The following RRP12 variants were observed in gnomAD, a reference collection of about 807,000 sequenced individuals.
RRP12 encodes ribosomal RNA processing 12 homolog, also known as RRP12-like protein.
RRP12 carries 78 observed loss-of-function variants against 157.3 expected under a neutral mutation model. The ratio of observed to expected loss-of-function variants is 0.50; its 90% CI spans 0.41 to 0.60. The LOEUF is 0.60. RRP12 is among the 20% of genes least tolerant of loss of function. The pLI, the probability that RRP12 is intolerant of heterozygous loss-of-function variation, is 0.00. For missense variants in RRP12, 1,521 were observed against 1,679.9 expected (o/e 0.91, Z 1.65); for synonymous variants, 726 against 670.9 (o/e 1.08, Z -1.27).
intron 25 of RRP12, 43 bp from the exon 26 acceptor site, chr10:97,367,175 A>C: frequency 6.5e-7 from 1 of 1,543,984 alleles, no homozygotes; most frequent in Non-Finnish European, 8.9e-7. Context: ...CGAGCCTTCC[A>C]TGCTGCGCCC....
Position 97,373,569 on chromosome 10 carries a change from A to C in RRP12, c.2026+6T>G, listed in dbSNP as rs1350860580. On this transcript the variant is annotated splice_donor_region_variant and intron_variant, in intron 17 of 33. Transcript: ENST00000370992. ...CCCAGCCCCCACTCCCACAGCCCAC[A>C]CGTACCTGCCTGGCAGCCCTTGGTG... 2 of 1,591,930 alleles carry C rather than the reference A, an allele frequency of 1.3e-6. No individual in the cohort carries two copies. Among genetic ancestry groups the C allele is most frequent in the Non-Finnish European group, 1.7e-6 (2 of 1,166,508 alleles).
rs1401235707 is a variant in RRP12 at position 97,373,121 on chromosome 10, T to C, written c.2106A>G (p.Ala702=). 14 of 1,614,002 alleles carry C rather than the reference T, an allele frequency of 8.7e-6. No individual in the cohort carries two copies. The highest frequency in any genetic ancestry group is 1.2e-5 in the Non-Finnish European group (14 of 1,180,016). ...ILFNLYGQPV[A]AGDTPAPRRA... ...GGCGAGGGGCTGGAGTGTCCCCGGC[T>C]GCCACGGGCTGCCCATACAGGTTGA... Residue 702 remains alanine, a synonymous_variant, in exon 18 of 34, where the codon GCA becomes GCG. Coordinates refer to ENST00000370992, the MANE Select transcript of RRP12 (RefSeq NM_015179.4).
intron 2 of RRP12, among the ~76,000 whole-genome samples, chr10:97,397,149 T>TTTG (rs937996715): frequency 1.8e-3 from 266 of 151,856 alleles, no homozygotes; most frequent in African/African-American, 5.0e-3. Context: ...ATACTGTATT[T>TTTG]TTGTTGTTGT....
chr10:97,389,978 G>A (rs1198304774), intron 6 of RRP12, among the ~76,000 whole-genome samples: 1 of 152,132 alleles, frequency 6.6e-6, no homozygotes, highest in East Asian at 1.9e-4. Context: ...CTCCCAAAGT[G>A]CTGGGATTAC....
intron 9 of RRP12, 43 bp from the exon 10 acceptor site, chr10:97,385,300 C>T (rs1293984986): frequency 6.8e-7 from 1 of 1,459,978 alleles, no homozygotes; most frequent in South Asian, 1.2e-5. Flanking sequence ...GCAGGGTCTG[C>T]AATAGCCCAG....
rs770529682 is a variant in RRP12, at chr10:97,400,365, T to C, written c.309A>G (p.Thr103=). The change falls in exon 2 of 34, where the codon ACA becomes ACG. Residue 103 remains threonine, a synonymous_variant. Transcript: ENST00000370992. Reference sequence around the variant, plus strand: ...GCTGTACTTTGCTGAAGGTGACGTTTGTGCAGTCGGAAAGGCCACTCAGGA... The same window carrying C: ...GCTGTACTTTGCTGAAGGTGACGTTCGTGCAGTCGGAAAGGCCACTCAGGA... The part of the protein sequence containing the change: ...GTFLSGLSDC[T]NVTFSKVQRF... 6.2e-7 allele frequency: 1 copy of C among 1,613,844 alleles called. No homozygotes were observed.
intron 30 of RRP12, among the ~76,000 whole-genome samples, chr10:97,362,772 C>T (rs1389525783): frequency 6.6e-6 from 1 of 152,316 alleles, no homozygotes; most frequent in South Asian, 2.1e-4. Flanking sequence ...TGGATATGTA[C>T]TCAGCTCTTC....
Position 97,388,305 on chromosome 10 carries a change from G to A in RRP12, c.964C>T (p.Leu322=). 1 of 1,614,026 alleles carries A rather than the reference G, an allele frequency of 6.2e-7. No homozygotes were observed. Among genetic ancestry groups the A allele is most frequent in the Non-Finnish European group, 8.5e-7 (1 of 1,180,030 alleles). ...KDLLPCFPEG[L]VKSCSETLLR... ...AGAGTCTCACTGCAGCTCTTCACCAGGCCTTCCGGGAAGCAGGGCAGCAGG... is the reference window on the plus strand; with the variant it reads ...AGAGTCTCACTGCAGCTCTTCACCAAGCCTTCCGGGAAGCAGGGCAGCAGG... The change falls in exon 8 of 34, where the codon CTG becomes TTG. Residue 322 remains leucine, a synonymous_variant. Coordinates refer to ENST00000370992, the MANE Select transcript of RRP12 (RefSeq NM_015179.4).
intron 2 of RRP12, among the ~76,000 whole-genome samples, chr10:97,397,370 C>T (rs1042711744): frequency 2.6e-5 from 4 of 151,806 alleles, no homozygotes; most frequent in African/African-American, 9.7e-5. Context: ...CCATGCTGGC[C>T]AGGTTGGTTT....
At position 97,367,051 on chromosome 10, in the gene RRP12, G is replaced by C; in HGVS notation, c.3037C>G (p.Arg1013Gly). The C allele has an allele frequency of 1.2e-6, 2 of 1,614,158 alleles. No homozygotes were observed. Among genetic ancestry groups the C allele is most frequent in the South Asian group, 1.1e-5 (1 of 91,086 alleles). The change falls in exon 26 of 34, where the codon CGC becomes GGC. Residue 1013 changes from arginine (R) to glycine (G), a missense_variant. Transcript: ENST00000370992. ...KLRNLFTKFI[R>G]KFGFELVKRL... ...GCTCAGTGCACAGACCCAAACTTGC[G>C]GATGAACTTGGTGAACAGGTTCCGA...
chr10:97,395,619 G>A (rs1461567880), intron 3 of RRP12, among the ~76,000 whole-genome samples: 3 of 151,872 alleles, frequency 2.0e-5, no homozygotes, highest in Admixed American at 1.3e-4. Context: ...GGGAGGCTGA[G>A]GCAGGCAGAT....
chr10:97,373,620 C>G lies in RRP12; in HGVS notation c.1981G>C (p.Val661Leu). The change falls in exon 17 of 34, where the codon GTG becomes CTG. Residue 661 changes from valine (V) to leucine (L), a missense_variant. Transcript: ENST00000370992. ...ISERPDLRVTVCQALRTLITK... is the reference protein window; with the variant it reads ...ISERPDLRVTLCQALRTLITK... Reference sequence around the variant, plus strand: ...ATGAGGGTGCGCAGGGCCTGGCACACGGTGACCCTCAGGTCTGGACGCTCG... The same window carrying G: ...ATGAGGGTGCGCAGGGCCTGGCACAGGGTGACCCTCAGGTCTGGACGCTCG... 1 of 1,612,622 alleles carries G rather than the reference C, an allele frequency of 6.2e-7. No homozygotes were observed. Among genetic ancestry groups the G allele is most frequent in the Non-Finnish European group, 8.5e-7 (1 of 1,179,404 alleles).
Position 97,379,310 on chromosome 10 carries a change from T to C in RRP12, c.1781A>G (p.Asn594Ser). Residue 594 changes from asparagine (N) to serine (S), a missense_variant, in exon 15 of 34, where the codon AAC (asparagine) becomes AGC (serine). Asn to Ser is a conservative substitution (Grantham distance 46, BLOSUM62 1). Coordinates refer to ENST00000370992, the MANE Select transcript of RRP12 (RefSeq NM_015179.4). ...FFTTYFLPLA[N>S]TLKSKAMDLA... ...TCTCCTACCTTTGCTCTTCAGGGTG[T>C]TAGCCAGGGGCAAGAAGTAGGTGGT... 1.9e-6 allele frequency: 3 copies of C among 1,614,054 alleles called. No individual in the cohort carries two copies. The highest frequency in any genetic ancestry group is 2.5e-6 in the Non-Finnish European group (3 of 1,179,952).
chr10:97,387,304 TTTTC>T (rs1844659968), intron 8 of RRP12, among the ~76,000 whole-genome samples: 1 of 151,860 alleles, frequency 6.6e-6, no homozygotes, highest in Non-Finnish European at 1.5e-5. Context: ...GAATATTTTC[TTTTC>T]TTTTTCTTTC....
intron 29 of RRP12, among the ~76,000 whole-genome samples, chr10:97,364,177 T>A (rs1167521761): frequency 1.3e-5 from 2 of 152,170 alleles, no homozygotes; most frequent in Non-Finnish European, 2.9e-5. Flanking sequence ...TTGAAACTTT[T>A]CTTTTCCCAC....
At chr10:97,383,754 C>T (rs1489127202) in intron 10 of RRP12, among the ~76,000 whole-genome samples, 1 of 152,292 alleles carries the variant, frequency 6.6e-6, no homozygotes, top group East Asian at 1.9e-4. Context: ...CCAGTCCAGG[C>T]GAGAGTGGAG....
intron 29 of RRP12, among the ~76,000 whole-genome samples, chr10:97,364,156 T>C (rs1449407627): frequency 6.6e-6 from 1 of 152,132 alleles, no homozygotes; most frequent in Non-Finnish European, 1.5e-5. Flanking sequence ...TTGAGGTGAA[T>C]ATGGCTTCGT....
intron 2 of RRP12, among the ~76,000 whole-genome samples, chr10:97,396,977 C>T (rs536136508): frequency 1.5e-4 from 23 of 152,182 alleles, no homozygotes; most frequent in African/African-American, 5.5e-4. Flanking sequence ...GTTGACCAAG[C>T]TGGTTTTGAA....
At chr10:97,382,427 A>G (rs10882915) in intron 10 of RRP12, among the ~76,000 whole-genome samples, 58,081 of 152,056 alleles carry the variant, frequency 0.38, 11,560 homozygotes, top group African/African-American at 0.5. Context: ...TTACAGGCAT[A>G]AGCCACTGCA....
Sources: allele counts gnomAD v4.1 joint callset (sites outside exome capture counted in the v4.1 genomes callset), GRCh38; gene constraint gnomAD v4.1.1; transcripts MANE v1.5; gene names NCBI Gene and HGNC (gene_info 2026-07-23, HGNC 2026-07-21).